The following RUBCN variants were observed in gnomAD, a reference collection of about 807,000 sequenced individuals.
RUBCN encodes the protein run domain Beclin-1-interacting and cysteine-rich domain-containing protein.
A neutral mutation model predicts 113.2 loss-of-function variants in RUBCN; 74 were observed. That is an observed-to-expected ratio of 0.65 (90% CI 0.54 to 0.79). The LOEUF is 0.79. Among genes scored for constraint, RUBCN ranks in the 30% least tolerant of loss-of-function variants. The pLI is 0.00. For missense variants in RUBCN, 1,109 were observed against 1,251.7 expected (o/e 0.89, Z 1.72); for synonymous variants, 480 against 490.0 (o/e 0.98, Z 0.27).
chr3:197,749,410 A>G lies in RUBCN; in HGVS notation c.-257T>C, dbSNP rs1471003296. Reference sequence around the variant, plus strand: ...AAGGTGACGCAGGAACCGTCACTGCAGCGTTTGCTTTGCGTTCAGATGCGG... The same window carrying G: ...AAGGTGACGCAGGAACCGTCACTGCGGCGTTTGCTTTGCGTTCAGATGCGG... On this transcript the variant is annotated 5_prime_UTR_variant, in exon 1 of 21. Transcript: ENST00000273582. 8.2e-6 allele frequency: 10 copies of G among 1,214,402 alleles called. No homozygotes were observed. The Admixed American group carries it at 2.9e-4, about 35-fold the overall frequency. The allele number at this position is 1,214,402 out of a possible 1,614,324, so 75.2% of individuals were successfully genotyped here. A position where few individuals can be genotyped will look rare whatever the true frequency, so the allele number is the denominator to read the frequency against.
At chr3:197,733,998 G>A (rs933242455) in intron 1 of RUBCN, among the ~76,000 whole-genome samples, 6 of 152,158 alleles carry the variant, frequency 3.9e-5, no homozygotes, top group African/African-American at 1.4e-4. Flanking sequence ...GTTCACGCTT[G>A]TAATCCCAGC....
chr3:197,731,756 C>T (rs1225150533), intron 1 of RUBCN, among the ~76,000 whole-genome samples: 80 of 147,950 alleles, frequency 5.4e-4, no homozygotes, highest in African/African-American at 2.0e-3. Context: ...GGGGCTGACC[C>T]CCCCACCTCC....
At chr3:197,734,731 C>T (rs1727925449) in intron 1 of RUBCN, among the ~76,000 whole-genome samples, 1 of 152,168 alleles carries the variant, frequency 6.6e-6, no homozygotes, top group African/African-American at 2.4e-5. Flanking sequence ...AATCCTAAAA[C>T]GTGTTTAGAA....
intron 1 of RUBCN, among the ~76,000 whole-genome samples, chr3:197,731,597 G>A (rs1023597436): frequency 4.6e-5 from 7 of 150,960 alleles, no homozygotes; most frequent in East Asian, 2.0e-4. Context: ...CTCACCTCCC[G>A]GATGGGGCGG....
chr3:197,731,566 C>G (rs1297012737), intron 1 of RUBCN, among the ~76,000 whole-genome samples: 1 of 151,752 alleles, frequency 6.6e-6, no homozygotes, highest in East Asian at 1.9e-4. Context: ...TCCCAGTAGG[C>G]GCGACCGGGC....
chr3:197,718,858 A>G (rs139574915), intron 1 of RUBCN, among the ~76,000 whole-genome samples: 71 of 152,314 alleles, frequency 4.7e-4, no homozygotes, highest in Non-Finnish European at 9.1e-4. Context: ...CTTATTTCCT[A>G]TATTTCCAAG....
rs759883099 is a variant in RUBCN, at chr3:197,701,043, T to C, written c.831A>G (p.Pro277=). The part of the protein sequence containing the change: ...PAEDQTIQAP[P]VSVSALARDS... Reference sequence around the variant, plus strand: ...CCCTGGCTAGTGCAGAGACTGAAACTGGGGGGGCTTGGATGGTTTGATCCT... The same window carrying C: ...CCCTGGCTAGTGCAGAGACTGAAACCGGGGGGGCTTGGATGGTTTGATCCT... The change falls in exon 7 of 20, where the codon CCA becomes CCG. Residue 277 remains proline, a synonymous_variant. Coordinates refer to ENST00000296343, the MANE Select transcript of RUBCN (RefSeq NM_014687.4). The C allele has an allele frequency of 3.0e-5, 49 of 1,613,556 alleles. No homozygotes were observed. Among genetic ancestry groups the C allele is most frequent in the Non-Finnish European group, 3.9e-5 (46 of 1,179,808 alleles).
At chr3:197,699,202 C>T (rs1212118881) in intron 7 of RUBCN, 1 of 1,550,406 alleles carries the variant, frequency 6.4e-7, no homozygotes, top group African/African-American at 1.4e-5. Context: ...ATGGGATCTT[C>T]AACTATAATG....
chr3:197,712,409 T>G (rs1166686084), intron 2 of RUBCN, among the ~76,000 whole-genome samples: 3 of 152,196 alleles, frequency 2.0e-5, no homozygotes, highest in Non-Finnish European at 4.4e-5. Flanking sequence ...ATGAGCAGCA[T>G]GAATCACTGT....
chr3:197,736,543 T>C, intron 1 of RUBCN, 112 bp downstream of exon 1: 1 of 878,054 alleles, frequency 1.1e-6, no homozygotes, highest in Non-Finnish European at 1.7e-6. Flanking sequence ...GCAGCCGTCG[T>C]CCTCAAGACT....
At chr3:197,749,474 A>AG in exon 1 of RUBCN, 2 of 1,274,678 alleles carry the variant, frequency 1.6e-6, no homozygotes, top group South Asian at 1.3e-5. Context: ...CGTGCCAGGG[A>AG]GGGGGGAGCT....
intron 1 of RUBCN, among the ~76,000 whole-genome samples, chr3:197,725,520 C>T (rs77781201): frequency 1.2e-3 from 94 of 75,328 alleles, no homozygotes; most frequent in African/African-American, 1.5e-3. Context: ...ACAGGAGAAT[C>T]TTTTTTTTTT....
chr3:197,683,573 C>G lies in RUBCN; in HGVS notation c.1848-134G>C, dbSNP rs1053296169. On this transcript the variant is annotated intron_variant, in intron 12 of 19. Transcript: ENST00000296343. This position sits in a 1 kb window ranked among gnomAD's most constrained non-coding sequence, Gnocchi z 4.6. ...ACCCGCAGCACCCTGGCCTGCTCAT[C>G]ACCCTCACACATGGGACAGTCAAAG... 4.2e-6 allele frequency: 4 copies of G among 941,586 alleles called. No homozygotes were observed. The African/African-American group carries it at 6.5e-5, about 15-fold the overall frequency. The allele number at this position is 941,586 out of a possible 1,614,324, so 58.3% of individuals were successfully genotyped here.
rs1304319758 is a variant in RUBCN, at chr3:197,669,611, G to A, written c.*5407C>T. On this transcript the variant is annotated 3_prime_UTR_variant, in exon 20 of 20. Transcript: ENST00000296343. ...TGATTACTTGGTTAAGGTCGTGTTA[G>A]CTCTCTCTACTCTAAAGTTGCTATT... Among the ~76,000 whole-genome samples the A allele has an allele frequency of 6.6e-6, 1 of 152,130 alleles. No homozygotes were observed. Among genetic ancestry groups the A allele is most frequent in the African/African-American group, 2.4e-5 (1 of 41,404 alleles).
At position 197,671,752 on chromosome 3, in the gene RUBCN, G is replaced by A. The variant is rs926529408; in HGVS notation, c.*3266C>T. On this transcript the variant is annotated 3_prime_UTR_variant, in exon 20 of 20. Transcript: ENST00000296343. ...CATCTAAGGCAAGTCAGATGTTGCG[G>A]AGAGGAAGACACCTCATTTTAAGTG... 6.6e-6 allele frequency: 1 copy of A among 152,168 alleles called. No homozygotes were observed. Among genetic ancestry groups the A allele is most frequent in the Non-Finnish European group, 1.5e-5 (1 of 68,030 alleles). The allele number at this position is 152,168 out of a possible 1,614,324, so 9.4% of individuals were successfully genotyped here.
intron 11 of RUBCN, among the ~76,000 whole-genome samples, chr3:197,690,169 G>A (rs1722268331): frequency 6.6e-6 from 1 of 152,220 alleles, no homozygotes; most frequent in South Asian, 2.1e-4. Context: ...GCCTGGCGTG[G>A]TGGCTCACTC....
intron 1 of RUBCN, among the ~76,000 whole-genome samples, chr3:197,731,151 G>A: frequency 6.6e-6 from 1 of 151,882 alleles, no homozygotes; most frequent in Non-Finnish European, 1.5e-5. Flanking sequence ...GCCTTCCGCA[G>A]TGTTTGTGTC....
chr3:197,681,349 C>T lies in RUBCN; in HGVS notation c.2210G>A (p.Arg737Gln), dbSNP rs1199071319. The change falls in exon 16 of 20, where the codon CGG (arginine) becomes CAG (glutamine). Residue 737 changes from arginine (R) to glutamine (Q), a missense_variant. Coordinates refer to ENST00000296343, the MANE Select transcript of RUBCN (RefSeq NM_014687.4). The surrounding 1 kb of genome is among the most constrained non-coding windows in gnomAD (Gnocchi z 5.5). The stretch of plus-strand genomic sequence containing the variant: ...GTACTTGCCCAGGTACTCACAGTAC[C>T]GCAGTCGCTTGATGTAATCTGGAAA... ...RTDPDYIKRL[R>Q]YCEYLGKYFC... The T allele has an allele frequency of 9.9e-6, 16 of 1,613,538 alleles. No individual in the cohort carries two copies. Among genetic ancestry groups the T allele is most frequent in the East Asian group, 2.2e-5 (1 of 44,880 alleles).
intron 5 of RUBCN, among the ~76,000 whole-genome samples, chr3:197,702,215 T>C (rs545243567): frequency 6.6e-6 from 1 of 152,348 alleles, no homozygotes; most frequent in African/African-American, 2.4e-5. Context: ...TTGGACCACG[T>C]ATCTACTCTG....
Sources: allele counts gnomAD v4.1 joint callset (sites outside exome capture counted in the v4.1 genomes callset), GRCh38; gene constraint gnomAD v4.1.1; non-coding constraint Gnocchi (gnomAD v3.1); transcripts MANE v1.5; gene names NCBI Gene and HGNC (gene_info 2026-07-23, HGNC 2026-07-21).